Variants in CTNNA3 observed in about 807,000 individuals in gnomAD.
CTNNA3 encodes the protein catenin alpha 3.
In CTNNA3, 76 loss-of-function variants were observed where a neutral mutation model predicts 95.7. The ratio of observed to expected loss-of-function variants is 0.79; its 90% CI spans 0.66 to 0.96. CTNNA3 has a LOEUF of 0.96. Among genes scored for constraint, CTNNA3 ranks in the 40% least tolerant of loss-of-function variants. The pLI, the probability that CTNNA3 is intolerant of heterozygous loss-of-function variation, is 0.00. For synonymous variants in CTNNA3, 431 were observed against 374.4 expected (o/e 1.15, Z -1.74); for missense variants, 1,191 against 1,089.8 (o/e 1.09, Z -1.31).
intron 5 of CTNNA3, among the ~76,000 whole-genome samples, chr10:67,509,624 C>T (rs1187755195): frequency 6.6e-6 from 1 of 152,170 alleles, no homozygotes; most frequent in Non-Finnish European, 1.5e-5. Flanking sequence ...CAAGTCTTTG[C>T]TATTGTGAAT....
intron 3 of CTNNA3, among the ~76,000 whole-genome samples, chr10:67,597,529 C>G (rs1196802731): frequency 1.3e-5 from 2 of 152,188 alleles, no homozygotes; most frequent in African/African-American, 4.8e-5. Flanking sequence ...TTCAGAAGGT[C>G]AAGGCTCAGC....
At chr10:67,703,730 C>T (rs1841059642) in intron 1 of CTNNA3, among the ~76,000 whole-genome samples, 1 of 152,192 alleles carries the variant, frequency 6.6e-6, no homozygotes, top group African/African-American at 2.4e-5. Context: ...CAGGGATGCC[C>T]TCTCTCACCA....
At chr10:66,685,843 G>T (rs1056819672) in intron 9 of CTNNA3, among the ~76,000 whole-genome samples, 12 of 151,922 alleles carry the variant, frequency 7.9e-5, no homozygotes, top group Admixed American at 2.0e-4. Context: ...CCTCATCTTG[G>T]CACTTTCTGA....
At chr10:66,999,303 C>T (rs1851546489) in intron 7 of CTNNA3, among the ~76,000 whole-genome samples, 1 of 152,006 alleles carries the variant, frequency 6.6e-6, no homozygotes, top group African/African-American at 2.4e-5. Flanking sequence ...ATAGGCATTG[C>T]TAAATCGACA....
At chr10:66,914,253 C>G (rs930453009) in intron 7 of CTNNA3, among the ~76,000 whole-genome samples, 2 of 151,808 alleles carry the variant, frequency 1.3e-5, no homozygotes, top group Admixed American at 6.6e-5. Flanking sequence ...GCCTCAGCCT[C>G]CCCAGTAGCT....
chr10:67,187,532 C>T (rs1279064452), intron 6 of CTNNA3, among the ~76,000 whole-genome samples: 1 of 151,292 alleles, frequency 6.6e-6, no homozygotes, highest in Non-Finnish European at 1.5e-5. Flanking sequence ...TTTTCTTTCT[C>T]TCTCTTTATC....
intron 11 of CTNNA3, among the ~76,000 whole-genome samples, chr10:66,431,583 C>T (rs975741440): frequency 4.6e-5 from 7 of 151,906 alleles, no homozygotes; most frequent in African/African-American, 1.7e-4. Context: ...ATGATGAGTT[C>T]ATGTCCTTTG....
intron 11 of CTNNA3, among the ~76,000 whole-genome samples, chr10:66,508,085 A>T (rs72793610): frequency 0.15 from 23,059 of 151,642 alleles, 1,819 homozygotes; most frequent in Middle Eastern, 0.17. Flanking sequence ...TAAATAACTA[A>T]TAAAATTATA....
At chr10:67,088,520 G>T (rs1053614670) in intron 7 of CTNNA3, among the ~76,000 whole-genome samples, 5 of 151,812 alleles carry the variant, frequency 3.3e-5, no homozygotes, top group African/African-American at 1.2e-4. Flanking sequence ...GACTCTCCCT[G>T]TTACTTAGAT....
chr10:67,293,969 A>G (rs928765347), intron 5 of CTNNA3, among the ~76,000 whole-genome samples: 3 of 152,128 alleles, frequency 2.0e-5, no homozygotes, highest in African/African-American at 7.2e-5. Context: ...TAGTGCTGCA[A>G]TAAACATACG....
At chr10:67,101,992 C>T (rs1371143863) in intron 7 of CTNNA3, among the ~76,000 whole-genome samples, 1 of 151,554 alleles carries the variant, frequency 6.6e-6, no homozygotes, top group Non-Finnish European at 1.5e-5. Context: ...GGTATTTGGC[C>T]TCAGGAGAAA....
intron 7 of CTNNA3, among the ~76,000 whole-genome samples, chr10:66,799,077 A>G (rs1397956762): frequency 1.3e-5 from 2 of 151,722 alleles, no homozygotes; most frequent in Non-Finnish European, 3.0e-5. Context: ...ACCTAACCCA[A>G]GCTTTGACAG....
At chr10:66,948,904 G>A (rs557535936) in intron 7 of CTNNA3, among the ~76,000 whole-genome samples, 1 of 152,092 alleles carries the variant, frequency 6.6e-6, no homozygotes, top group Non-Finnish European at 1.5e-5. Flanking sequence ...TCAAGTGTGG[G>A]TCTCTTAATT....
intron 10 of CTNNA3, among the ~76,000 whole-genome samples, chr10:66,572,715 TC>T (rs1842905873): frequency 6.6e-6 from 1 of 152,178 alleles, no homozygotes; most frequent in South Asian, 2.1e-4. Context: ...AAAACCTTTC[TC>T]AAAATATCTT....
intron 15 of CTNNA3, among the ~76,000 whole-genome samples, chr10:66,034,104 T>A (rs530896750): frequency 3.3e-5 from 5 of 152,272 alleles, no homozygotes; most frequent in African/African-American, 1.2e-4. Context: ...AAATAAATTA[T>A]AACTATTTTT....
chr10:66,520,729 T>C lies in CTNNA3; in HGVS notation c.1419A>G (p.Gln473=). ...ACATTTCCATGGTGTTTTTGACCGC[T>C]TGACTTTTGGGTCTTGCAGCCAAAG... ...ALALAARPKS[Q]AVKNTMEMYK... is the part of the protein sequence containing the mutation. The change falls in exon 11 of 18, where the codon CAA becomes CAG. Residue 473 remains glutamine, a synonymous_variant. Transcript: ENST00000433211. 6.2e-7 allele frequency: 1 copy of C among 1,613,156 alleles called. No individual in the cohort carries two copies. The highest frequency in any genetic ancestry group is 1.1e-5 in the South Asian group (1 of 90,994).
At chr10:67,263,632 T>C (rs1232836993) in intron 5 of CTNNA3, among the ~76,000 whole-genome samples, 1 of 152,174 alleles carries the variant, frequency 6.6e-6, no homozygotes, top group Non-Finnish European at 1.5e-5. Context: ...AAGGATGTTG[T>C]TCCTAACCCT....
intron 16 of CTNNA3, among the ~76,000 whole-genome samples, chr10:65,974,590 G>A (rs2078173973): frequency 6.6e-6 from 1 of 152,124 alleles, no homozygotes; most frequent in Admixed American, 6.6e-5. Flanking sequence ...AGGATTACTA[G>A]ACAGGGGAGG....
intron 5 of CTNNA3, among the ~76,000 whole-genome samples, chr10:67,256,565 G>T (rs769454316): frequency 3.9e-5 from 6 of 152,114 alleles, no homozygotes; most frequent in Admixed American, 6.5e-5. Context: ...AAAAATGACT[G>T]CTTTTTCCCT....
Sources: gnomAD v4.1 joint callset for allele counts (sites outside exome capture counted in the v4.1 genomes callset) on GRCh38, gnomAD v4.1.1 for gene constraint, MANE v1.5 for transcripts, NCBI Gene and HGNC (gene_info 2026-07-23, HGNC 2026-07-21) for gene names.